Variants in TK1 observed in about 807,000 individuals in gnomAD.
The protein encoded by TK1 is thymidine kinase, cytosolic.
A neutral mutation model predicts 22.4 loss-of-function variants in TK1; 13 were observed. That is an observed-to-expected ratio of 0.58 (90% CI 0.38 to 0.92). The LOEUF (loss-of-function observed/expected upper bound fraction) is 0.92. Among genes scored for constraint, TK1 ranks in the 40% least tolerant of loss-of-function variants. TK1 has a pLI of 0.00. For missense variants in TK1, 251 were observed against 315.7 expected (o/e 0.80, Z 1.55); for synonymous variants, 134 against 125.4 (o/e 1.07, Z -0.46).
At chr17:78,176,092 T>C (rs1444349641) in intron 4 of TK1, among the ~76,000 whole-genome samples, 1 of 152,200 alleles carries the variant, frequency 6.6e-6, no homozygotes, top group East Asian at 1.9e-4. Context: ...CTTCGGTGAA[T>C]AGGTGGGCGC....
chr17:78,186,036 G>A (rs2075787048), intron 2 of TK1, among the ~76,000 whole-genome samples: 1 of 152,046 alleles, frequency 6.6e-6, no homozygotes. Flanking sequence ...TGAAGTAGGA[G>A]GATTGCTTGA....
At position 78,181,497 on chromosome 17, in the gene TK1, CA is replaced by C. The variant is rs568058765; in HGVS notation, c.303+1091del. Among the ~76,000 whole-genome samples the C allele has an allele frequency of 1.9e-3, 284 of 148,996 alleles. 2 individuals are homozygous for C. The highest frequency in any genetic ancestry group is 6.7e-3 in the African/African-American group (269 of 40,242). On this transcript the variant is annotated intron_variant, in intron 4 of 6. Transcript: ENST00000301634. ...AGGTTGCAGTGAGCCGAGATCACGC[CA>C]TTGCACTCCAGCCTGGGCGACAGAG...
chr17:78,184,320 C>T (rs1156796181), intron 3 of TK1, among the ~76,000 whole-genome samples: 1 of 152,232 alleles, frequency 6.6e-6, no homozygotes, highest in Non-Finnish European at 1.5e-5. Context: ...AGCTCCCAGC[C>T]AGGGCTCTGA....
chr17:78,187,043 G>T lies in TK1; in HGVS notation c.-49C>A. 3.2e-6 allele frequency: 5 copies of T among 1,563,954 alleles called. No homozygotes were observed. The highest frequency in any genetic ancestry group is 4.4e-6 in the Non-Finnish European group (5 of 1,145,708). ...CCCGAGTACTCTCCAAGGCCGTCCC[G>T]CAGTAAGCCCCTGGTTCCCGCGCCG... On this transcript the variant is annotated 5_prime_UTR_variant, in exon 1 of 7. Coordinates refer to ENST00000301634, the MANE Select transcript of TK1 (RefSeq NM_003258.5).
At chr17:78,178,992 G>A (rs765648683) in intron 4 of TK1, among the ~76,000 whole-genome samples, 5 of 152,132 alleles carry the variant, frequency 3.3e-5, no homozygotes, top group South Asian at 2.1e-4. Flanking sequence ...GAAGTAGACC[G>A]AGAAATCCCT....
At chr17:78,176,585 C>G (rs1462141536) in intron 4 of TK1, among the ~76,000 whole-genome samples, 1 of 152,098 alleles carries the variant, frequency 6.6e-6, no homozygotes, top group Non-Finnish European at 1.5e-5. Context: ...GAAGGAAACC[C>G]AGAGACTCCA....
chr17:78,178,258 C>A (rs2075714941), intron 4 of TK1, among the ~76,000 whole-genome samples: 1 of 152,200 alleles, frequency 6.6e-6, no homozygotes, highest in African/African-American at 2.4e-5. Context: ...GCTGTTGATG[C>A]AAGGGTGCCC....
At chr17:78,177,740 AT>A (rs1477058234) in intron 4 of TK1, among the ~76,000 whole-genome samples, 2 of 151,262 alleles carry the variant, frequency 1.3e-5, no homozygotes, top group East Asian at 1.9e-4. Context: ...CGCCTGGCTA[AT>A]TTTTTTGTAT....
chr17:78,183,666 A>C (rs1402518391), intron 3 of TK1: 1 of 152,286 alleles, frequency 6.6e-6, no homozygotes, highest in Non-Finnish European at 1.5e-5. Flanking sequence ...ACTGCACTCC[A>C]GCCTGGGTGA....
chr17:78,175,225 C>CTTTTTTTT, intron 5 of TK1, 56 bp from the exon 6 acceptor site: 1 of 1,558,740 alleles, frequency 6.4e-7, no homozygotes, highest in Non-Finnish European at 8.6e-7. Context: ...GTGGGTTTTT[C>CTTTTTTTT]TTTTAAACCC....
intron 5 of TK1, 74 bp downstream of exon 5, chr17:78,175,455 T>G: frequency 7.0e-7 from 1 of 1,426,414 alleles, no homozygotes; most frequent in Non-Finnish European, 9.7e-7. Flanking sequence ...CACCCAGAGC[T>G]GGTGTCTCTG....
chr17:78,179,393 A>G (rs1184027382), intron 4 of TK1: 1 of 985,236 alleles, frequency 1.0e-6, no homozygotes, highest in Non-Finnish European at 1.2e-6. Flanking sequence ...ACGCAGAGGC[A>G]TGGGGGTGCT....
intron 4 of TK1, among the ~76,000 whole-genome samples, chr17:78,176,708 C>T (rs1191333602): frequency 6.6e-6 from 1 of 152,164 alleles, no homozygotes; most frequent in African/African-American, 2.4e-5. Context: ...GCCGGCACAC[C>T]ACCTGCGCCA....
Position 78,175,113 on chromosome 17 carries a change from C to G in TK1, c.450G>C (p.Thr150=), listed in dbSNP as rs572474600. 6.2e-7 allele frequency: 1 copy of G among 1,613,398 alleles called. No homozygotes were observed. Residue 150 remains threonine, a synonymous_variant, in exon 6 of 7, where the codon ACG becomes ACC. Transcript: ENST00000301634. The part of the protein sequence containing the change: ...VPLAESVVKL[T]AVCMECFREA... ...CCCGGAAGCACTCCATGCACACCGC[C>G]GTCAGCTTCACCACGCTCTCGGCCA... is the stretch of plus-strand genomic sequence containing the variant.
intron 4 of TK1, among the ~76,000 whole-genome samples, chr17:78,178,864 C>A (rs534777274): frequency 2.0e-5 from 3 of 152,198 alleles, no homozygotes; most frequent in Middle Eastern, 3.4e-3. Context: ...AGGCTGGTGA[C>A]CCGGAACTTC....
At chr17:78,182,522 G>T in intron 4 of TK1, 67 bp downstream of exon 4, 1 of 1,270,002 alleles carries the variant, frequency 7.9e-7, no homozygotes, top group Non-Finnish European at 1.1e-6. Flanking sequence ...TTCCAAGTCA[G>T]CGAGGGAAAA....
chr17:78,182,824 C>T, intron 3 of TK1, 142 bp from the exon 4 acceptor site: 1 of 505,672 alleles, frequency 2.0e-6, no homozygotes, highest in Non-Finnish European at 3.3e-6. Context: ...GAGAAGTTAG[C>T]ACCTATGGGA....
In TK1 at chr17:78,177,214, T is replaced by G. The variant is rs114235768; in HGVS notation, c.304-1596A>C. ...GACCCTAACTTTTCCTAGATTAAAC[T>G]TATTATAGATTGCATGTCTCTAACC... On this transcript the variant is annotated intron_variant, in intron 4 of 6. Coordinates refer to ENST00000301634, the MANE Select transcript of TK1 (RefSeq NM_003258.5). Among the ~76,000 whole-genome samples the G allele has an allele frequency of 4.1e-3, 618 of 152,274 alleles. 2 individuals are homozygous for G. The highest frequency in any genetic ancestry group is 0.014 in the African/African-American group (568 of 41,550).
At position 78,175,538 on chromosome 17, in the gene TK1, G is replaced by A; in HGVS notation, c.384C>T (p.Phe128=). 2 of 1,613,384 alleles carry A rather than the reference G, an allele frequency of 1.2e-6. No homozygotes were observed. The highest frequency in any genetic ancestry group is 1.7e-6 in the Non-Finnish European group (2 of 1,179,700). The change falls in exon 5 of 7, where the codon TTC becomes TTT. Residue 128 remains phenylalanine (F), a synonymous_variant. Coordinates refer to ENST00000301634, the MANE Select transcript of TK1 (RefSeq NM_003258.5). ...TVIVAALDGT[F]QRKPFGAILN... Reference sequence around the variant, plus strand: ...GGATCAGACGCCTTACCTTCCTCTGGAAGGTCCCATCCAGTGCAGCCACAA... The same window carrying A: ...GGATCAGACGCCTTACCTTCCTCTGAAAGGTCCCATCCAGTGCAGCCACAA...
Sources: allele counts gnomAD v4.1 joint callset (sites outside exome capture counted in the v4.1 genomes callset), GRCh38; gene constraint gnomAD v4.1.1; transcripts MANE v1.5; gene names NCBI Gene and HGNC (gene_info 2026-07-23, HGNC 2026-07-21).